The following FOXJ3 variants were observed in gnomAD, a reference collection of about 807,000 sequenced individuals.
FOXJ3 encodes the protein forkhead box protein J3.
Under a neutral mutation model 76.1 loss-of-function variants are expected in FOXJ3, and 22 were observed. The ratio of observed to expected loss-of-function variants is 0.29; its 90% CI spans 0.21 to 0.41. FOXJ3 has a LOEUF of 0.41. Among genes scored for constraint, FOXJ3 ranks in the 10% least tolerant of loss-of-function variants. FOXJ3 has a pLI of 1.00. For synonymous variants in FOXJ3, 269 were observed against 261.2 expected (o/e 1.03, Z -0.29); for missense variants, 613 against 762.1 (o/e 0.80, Z 2.30).
intron 4 of FOXJ3, among the ~76,000 whole-genome samples, chr1:42,229,831 CAGAGA>C (rs1322462136): frequency 1.3e-5 from 2 of 152,064 alleles, no homozygotes; most frequent in African/African-American, 4.8e-5. Flanking sequence ...AATAAAGTAG[CAGAGA>C]AAATACCAAA....
intron 2 of FOXJ3, among the ~76,000 whole-genome samples, chr1:42,295,517 G>GTCT (rs1216074674): frequency 5.7e-4 from 74 of 130,028 alleles, no homozygotes; most frequent in African/African-American, 1.9e-3. Context: ...GACTACAAGT[G>GTCT]TCTTTTTTTT....
At chr1:42,185,020 A>C (rs573328736) in intron 11 of FOXJ3, among the ~76,000 whole-genome samples, 2 of 152,244 alleles carry the variant, frequency 1.3e-5, no homozygotes, top group Admixed American at 6.5e-5. Context: ...CATATAGGCC[A>C]TAGTAACAAC....
At chr1:42,192,181 T>C (rs1646561837) in intron 8 of FOXJ3, among the ~76,000 whole-genome samples, 1 of 152,176 alleles carries the variant, frequency 6.6e-6, no homozygotes, top group Non-Finnish European at 1.5e-5. Flanking sequence ...CAATCTAAAC[T>C]AAATCTCGAC....
chr1:42,194,493 T>C (rs961172744), intron 8 of FOXJ3, among the ~76,000 whole-genome samples: 3 of 152,260 alleles, frequency 2.0e-5, no homozygotes, highest in Non-Finnish European at 2.9e-5. Context: ...CCGATAGTTA[T>C]CTCTTTTTGC....
intron 6 of FOXJ3, among the ~76,000 whole-genome samples, chr1:42,201,140 A>T (rs1447134214): frequency 6.6e-6 from 1 of 152,156 alleles, no homozygotes; most frequent in Non-Finnish European, 1.5e-5. Flanking sequence ...TTCACTTATT[A>T]ATTCTAAGGC....
chr1:42,248,651 T>C (rs906351556), intron 4 of FOXJ3, among the ~76,000 whole-genome samples: 1 of 151,070 alleles, frequency 6.6e-6, no homozygotes, highest in Non-Finnish European at 1.5e-5. Context: ...ACAGGGTATG[T>C]CCAATACAGT....
At chr1:42,209,506 T>C (rs1646925424) in intron 5 of FOXJ3, among the ~76,000 whole-genome samples, 2 of 152,174 alleles carry the variant, frequency 1.3e-5, no homozygotes, top group South Asian at 2.1e-4. Flanking sequence ...ACTGTGTCTC[T>C]AGAGCTTGAG....
Position 42,230,162 on chromosome 1 carries a change from A to G in FOXJ3, c.445-2196T>C, listed in dbSNP as rs561858541. Among the ~76,000 whole-genome samples, 78 of 152,328 alleles carry G rather than the reference A, an allele frequency of 5.1e-4. 1 individual carries two copies. Among genetic ancestry groups the G allele is most frequent in the African/African-American group, 1.5e-3 (63 of 41,588 alleles). On this transcript the variant is annotated intron_variant, in intron 4 of 12. Coordinates refer to ENST00000361346, the MANE Select transcript of FOXJ3 (RefSeq NM_014947.5). Reference sequence around the variant, plus strand: ...CCTAAATGCAAATTCTAATAATTAAAAAGATTCACAAAACTAATTGTGAAA... The same window carrying G: ...CCTAAATGCAAATTCTAATAATTAAGAAGATTCACAAAACTAATTGTGAAA...
intron 5 of FOXJ3, among the ~76,000 whole-genome samples, chr1:42,209,968 C>T (rs1225880400): frequency 6.6e-6 from 1 of 152,170 alleles, no homozygotes; most frequent in Non-Finnish European, 1.5e-5. Flanking sequence ...GGCCTGAAAA[C>T]TGTGGTTTCT....
At chr1:42,272,596 T>C (rs1381738540) in intron 3 of FOXJ3, among the ~76,000 whole-genome samples, 1 of 152,202 alleles carries the variant, frequency 6.6e-6, no homozygotes, top group Non-Finnish European at 1.5e-5. Context: ...AGCAACATCA[T>C]CCTTCTCTAC....
At chr1:42,259,064 T>C (rs1164360842) in intron 4 of FOXJ3, among the ~76,000 whole-genome samples, 1 of 152,152 alleles carries the variant, frequency 6.6e-6, no homozygotes, top group Non-Finnish European at 1.5e-5. Context: ...ATATATGCAA[T>C]GAAATGAAAC....
At chr1:42,188,965 ATGCAATAAACAT>A (rs1229967234) in intron 10 of FOXJ3, 37 bp from the exon 11 acceptor site, 1 of 1,343,606 alleles carries the variant, frequency 7.4e-7, no homozygotes, top group Non-Finnish European at 1.0e-6. Flanking sequence ...TAGCACTGTT[ATGCAATAAACAT>A]TGCAAGGAAA....
At chr1:42,275,840 C>T (rs1344978635) in intron 3 of FOXJ3, among the ~76,000 whole-genome samples, 3 of 152,018 alleles carry the variant, frequency 2.0e-5, no homozygotes, top group East Asian at 3.9e-4. Flanking sequence ...AAGGGCTAAG[C>T]AAACAGAAGT....
chr1:42,296,962 T>C (rs1297343561), intron 2 of FOXJ3, among the ~76,000 whole-genome samples: 1 of 152,214 alleles, frequency 6.6e-6, no homozygotes, highest in South Asian at 2.1e-4. Flanking sequence ...TTTGTTTGTG[T>C]CATCTGCAAT....
chr1:42,324,089 C>CTGTATATACACAGTGTATATATAG (rs1557725799), intron 1 of FOXJ3, among the ~76,000 whole-genome samples: 10 of 50,802 alleles, frequency 2.0e-4, no homozygotes, highest in African/African-American at 7.1e-4. Context: ...AGTATATATA[C>CTGTATATACACAGTGTATATATAG]TGTATATATA....
At chr1:42,250,562 A>C (rs1023895350) in intron 4 of FOXJ3, among the ~76,000 whole-genome samples, 3 of 152,134 alleles carry the variant, frequency 2.0e-5, no homozygotes, top group Non-Finnish European at 2.9e-5. Flanking sequence ...AAAGTCCAGT[A>C]GGCCGGGCAC....
intron 2 of FOXJ3, among the ~76,000 whole-genome samples, chr1:42,308,312 A>G (rs1297243898): frequency 2.0e-5 from 3 of 152,184 alleles, no homozygotes; most frequent in Non-Finnish European, 4.4e-5. Flanking sequence ...CTCTACTCCT[A>G]TTGGGTAGTG....
At chr1:42,191,212 T>A in intron 9 of FOXJ3, 91 bp downstream of exon 9, 1 of 1,203,438 alleles carries the variant, frequency 8.3e-7, no homozygotes, top group Non-Finnish European at 1.2e-6. Context: ...GTAAAGAGGT[T>A]TTGGTAGTAA....
At chr1:42,276,900 A>C (rs1224645599) in intron 3 of FOXJ3, among the ~76,000 whole-genome samples, 1 of 152,170 alleles carries the variant, frequency 6.6e-6, no homozygotes, top group East Asian at 1.9e-4. Context: ...ACATCTAATC[A>C]TGAGCAACAT....
Sources: gnomAD v4.1 joint callset for allele counts (sites outside exome capture counted in the v4.1 genomes callset) on GRCh38, gnomAD v4.1.1 for gene constraint, MANE v1.5 for transcripts, NCBI Gene and HGNC (gene_info 2026-07-23, HGNC 2026-07-21) for gene names.